Variants in TMEM132D observed in about 807,000 individuals in gnomAD.
The protein encoded by TMEM132D is mature OL transmembrane protein.
In TMEM132D, 21 loss-of-function variants were observed where a neutral mutation model predicts 62.3. The ratio of observed to expected loss-of-function variants is 0.34; its 90% CI spans 0.24 to 0.49. The LOEUF (loss-of-function observed/expected upper bound fraction) is 0.49. Ranked by LOEUF, TMEM132D falls within the 20% of genes least tolerant of loss-of-function variation. The pLI is 0.99. For synonymous variants in TMEM132D, 621 were observed against 575.6 expected, an observed-to-expected ratio of 1.08 and a Z score of -1.13; for missense variants, 1,346 against 1,402.8, an observed-to-expected ratio of 0.96 and a Z score of 0.65.
rs1311756135 is a variant in TMEM132D, at chr12:129,637,597, C to T, written c.968+62213G>A. Among the ~76,000 whole-genome samples, 4 of 152,158 alleles carry T rather than the reference C, an allele frequency of 2.6e-5. No homozygotes were observed. In the East Asian group the frequency reaches 5.8e-4, roughly 22 times the overall value. On this transcript the variant is annotated intron_variant, in intron 2 of 8. Coordinates refer to ENST00000422113, the MANE Select transcript of TMEM132D (RefSeq NM_133448.3). ...AGATGCCTGCTCCGGCTTTGCCTTC[C>T]ACCATGAGTAAAAGCTCCCTAGCCA... is the stretch of plus-strand genomic sequence containing the variant.
At chr12:129,205,106 A>G (rs1367389324) in intron 5 of TMEM132D, among the ~76,000 whole-genome samples, 1 of 152,184 alleles carries the variant, frequency 6.6e-6, no homozygotes, top group Non-Finnish European at 1.5e-5. Flanking sequence ...TTATAAAGCA[A>G]CAACACAAAC....
chr12:129,593,585 G>C (rs906962927), intron 2 of TMEM132D, among the ~76,000 whole-genome samples: 1 of 152,180 alleles, frequency 6.6e-6, no homozygotes, highest in African/African-American at 2.4e-5. Flanking sequence ...GAAAATTCTT[G>C]ATGACAAACC....
At chr12:129,199,604 T>C (rs1038086452) in intron 5 of TMEM132D, among the ~76,000 whole-genome samples, 1 of 152,208 alleles carries the variant, frequency 6.6e-6, no homozygotes, top group Admixed American at 6.5e-5. Context: ...TCTAAAGAAA[T>C]ACCTGAGACT....
In TMEM132D at chr12:129,333,386, C is replaced by A. The variant is rs537587395; in HGVS notation, c.1299+4248G>T. Among the ~76,000 whole-genome samples the A allele has an allele frequency of 6.6e-5, 10 of 152,124 alleles. No individual in the cohort carries two copies. In the South Asian group the frequency reaches 1.9e-3, roughly 28 times the overall value. ...AAAAATGTGTGCAAAGATTTTTGTACGAAAATATAAACCATAGGTTATTTT... is the reference window on the plus strand; with the variant it reads ...AAAAATGTGTGCAAAGATTTTTGTAAGAAAATATAAACCATAGGTTATTTT... On this transcript the variant is annotated intron_variant, in intron 4 of 8. Transcript: ENST00000422113.
intron 1 of TMEM132D, among the ~76,000 whole-genome samples, chr12:129,739,356 C>T (rs1178974444): frequency 6.6e-6 from 1 of 152,124 alleles, no homozygotes; most frequent in Admixed American, 6.5e-5. Flanking sequence ...CTAGCCAAGG[C>T]AAGGCGAGGG....
chr12:129,231,604 G>T (rs541837432), intron 4 of TMEM132D, among the ~76,000 whole-genome samples: 1 of 152,116 alleles, frequency 6.6e-6, no homozygotes, highest in South Asian at 2.1e-4. Context: ...TCATTAAGCC[G>T]GGCTTTGGCA....
At chr12:129,205,351 A>G (rs1385034421) in intron 5 of TMEM132D, among the ~76,000 whole-genome samples, 3 of 151,046 alleles carry the variant, frequency 2.0e-5, no homozygotes, top group Non-Finnish European at 4.4e-5. Context: ...ACAGAAAAAA[A>G]GCAAGAGTTA....
At chr12:129,544,014 CCAAGT>C (rs1360251314) in intron 2 of TMEM132D, among the ~76,000 whole-genome samples, 2 of 152,136 alleles carry the variant, frequency 1.3e-5, no homozygotes, top group Non-Finnish European at 2.9e-5. Context: ...AAAGGAATTG[CCAAGT>C]CAAAAGAGAT....
At chr12:129,431,910 T>G (rs1872663851) in intron 3 of TMEM132D, among the ~76,000 whole-genome samples, 1 of 152,192 alleles carries the variant, frequency 6.6e-6, no homozygotes, top group African/African-American at 2.4e-5. Context: ...CCTTTGCACT[T>G]GCAGTTTCCT....
chr12:129,510,760 AATT>A lies in TMEM132D; in HGVS notation c.1115+20296_1115+20298del, dbSNP rs543852857. ...CTGTAGTTGTATTCCAGCGTCTAAT[AATT>A]ATTTTTTGCCATTTCTTTCAGCACA... On this transcript the variant is annotated intron_variant, in intron 3 of 8. Coordinates refer to ENST00000422113, the MANE Select transcript of TMEM132D (RefSeq NM_133448.3). 9.2e-5 allele frequency among the ~76,000 whole-genome samples: 14 copies of A among 152,206 alleles called. No individual in the cohort carries two copies. The South Asian group carries it at 2.9e-3, about 32-fold the overall frequency.
chr12:129,182,610 C>T (rs955474096), intron 5 of TMEM132D, among the ~76,000 whole-genome samples: 3 of 152,214 alleles, frequency 2.0e-5, no homozygotes, highest in African/African-American at 7.2e-5. Context: ...ACTAACTGGA[C>T]AAGTCCCACC....
chr12:129,578,729 C>G (rs192093651), intron 2 of TMEM132D, among the ~76,000 whole-genome samples: 1 of 152,192 alleles, frequency 6.6e-6, no homozygotes, highest in Non-Finnish European at 1.5e-5. Context: ...GTCTGAAGGT[C>G]TGAGAACCAA....
intron 3 of TMEM132D, among the ~76,000 whole-genome samples, chr12:129,357,938 C>T (rs1296084409): frequency 6.6e-6 from 1 of 152,178 alleles, no homozygotes; most frequent in Admixed American, 6.5e-5. Flanking sequence ...AAATTGTTTC[C>T]TCTTGGACAT....
chr12:129,491,277 A>G (rs1874787963), intron 3 of TMEM132D, among the ~76,000 whole-genome samples: 1 of 152,198 alleles, frequency 6.6e-6, no homozygotes, highest in Non-Finnish European at 1.5e-5. Flanking sequence ...AGTTCCATAA[A>G]AAGCCCACGG....
chr12:129,769,888 AT>A (rs1024455735), intron 1 of TMEM132D, among the ~76,000 whole-genome samples: 3 of 151,928 alleles, frequency 2.0e-5, no homozygotes, highest in Non-Finnish European at 2.9e-5. Flanking sequence ...TCAGACTGGG[AT>A]TTTTTTTCCC....
intron 2 of TMEM132D, among the ~76,000 whole-genome samples, chr12:129,599,292 C>T (rs1010996129): frequency 6.6e-6 from 1 of 152,140 alleles, no homozygotes; most frequent in African/African-American, 2.4e-5. Flanking sequence ...ATTAACATAT[C>T]CACAACTAAT....
At chr12:129,721,491 G>A (rs75372297) in intron 1 of TMEM132D, among the ~76,000 whole-genome samples, 1 of 152,172 alleles carries the variant, frequency 6.6e-6, no homozygotes, top group African/African-American at 2.4e-5. Context: ...ATGCTAGAAG[G>A]TCCTTGAAAC....
intron 1 of TMEM132D, among the ~76,000 whole-genome samples, chr12:129,819,945 C>T (rs1026812499): frequency 2.6e-5 from 4 of 152,098 alleles, no homozygotes; most frequent in Middle Eastern, 3.2e-3. Context: ...ATTCCAAGAC[C>T]GCACGTGCAC....
At chr12:129,846,065 T>C (rs1416766940) in intron 1 of TMEM132D, among the ~76,000 whole-genome samples, 1 of 152,160 alleles carries the variant, frequency 6.6e-6, no homozygotes, top group East Asian at 1.9e-4. Flanking sequence ...TGGTGGGCAT[T>C]TCTTATGGGG....
Sources: allele counts gnomAD v4.1 joint callset (sites outside exome capture counted in the v4.1 genomes callset), GRCh38; gene constraint gnomAD v4.1.1; transcripts MANE v1.5; gene names NCBI Gene and HGNC (gene_info 2026-07-23, HGNC 2026-07-21).